Variants in CLEC4F observed in about 807,000 individuals in gnomAD.
The protein encoded by CLEC4F is C-type lectin domain family 4 member F.
Under a neutral mutation model 53.4 loss-of-function variants are expected in CLEC4F, and 45 were observed. The ratio of observed to expected loss-of-function variants is 0.84; its 90% CI spans 0.66 to 1.08. The LOEUF (loss-of-function observed/expected upper bound fraction) is 1.08, where lower values mean the gene tolerates loss of function less well. Among genes scored for constraint, CLEC4F ranks in the 50% least tolerant of loss-of-function variants. CLEC4F has a pLI of 0.00. For missense variants in CLEC4F, 753 were observed against 698.2 expected (o/e 1.08, Z -0.88); for synonymous variants, 245 against 257.5 (o/e 0.95, Z 0.46).
rs1553396160 is a variant in CLEC4F at position 70,816,667 on chromosome 2, G to C, written c.714C>G (p.Thr238=). ...AACTGCTATTGGCTAACTGAGCCTGGGTATTTGCCGTTTCCAAACTGGCAT... is the reference window on the plus strand; with the variant it reads ...AACTGCTATTGGCTAACTGAGCCTGCGTATTTGCCGTTTCCAAACTGGCAT... ...MLNASLETAN[T]QAQLANSSLK... The change falls in exon 4 of 7, where the codon ACC becomes ACG. Residue 238 remains threonine, a synonymous_variant. Coordinates refer to ENST00000272367, the MANE Select transcript of CLEC4F (RefSeq NM_173535.3). 1 of 1,614,116 alleles carries C rather than the reference G, an allele frequency of 6.2e-7. No homozygotes were observed. The highest frequency in any genetic ancestry group is 2.2e-5 in the East Asian group (1 of 44,880).
chr2:70,812,575 G>T lies in CLEC4F; in HGVS notation c.1411C>A (p.Gln471Lys), dbSNP rs1204389437. ...CTTCCACCATTGAACTTCCAGCCTT[G>T]CAGGACCATCTGGAGAAGCTGACCT... ...TQSQLLQMVL[Q>K]GWKFNGGSLY... is the part of the protein sequence containing the mutation. Residue 471 changes from glutamine (Q) to lysine (K), a missense_variant, in exon 5 of 7, where the codon CAA (glutamine) becomes AAA (lysine). Transcript: ENST00000272367. The T allele has an allele frequency of 6.2e-7, 1 of 1,614,076 alleles. No individual in the cohort carries two copies. Among genetic ancestry groups the T allele is most frequent in the Admixed American group, 1.7e-5 (1 of 60,006 alleles).
chr2:70,821,996 T>A (rs1313322911), upstream of CLEC4F, among the ~76,000 whole-genome samples: 1 of 152,122 alleles, frequency 6.6e-6, no homozygotes, highest in Non-Finnish European at 1.5e-5. Flanking sequence ...TGGCTTCAAG[T>A]GATCCTCCCA....
chr2:70,815,463 C>T (rs1051483527), intron 4 of CLEC4F, among the ~76,000 whole-genome samples: 1 of 152,172 alleles, frequency 6.6e-6, no homozygotes, highest in Admixed American at 6.5e-5. Flanking sequence ...CTGTAAGCTT[C>T]TCAAGGGTAC....
chr2:70,813,791 C>T (rs1397719167), intron 4 of CLEC4F, among the ~76,000 whole-genome samples: 1 of 152,008 alleles, frequency 6.6e-6, no homozygotes, highest in Non-Finnish European at 1.5e-5. Context: ...GATTCTCCTG[C>T]CTACCCTCCT....
Position 70,819,413 on chromosome 2 carries a change from A to G in CLEC4F, c.210T>C (p.Pro70=). The change falls in exon 3 of 7, where the codon CCT becomes CCC. Residue 70 remains proline (P), a synonymous_variant. Coordinates refer to ENST00000272367, the MANE Select transcript of CLEC4F (RefSeq NM_173535.3). ...VQQQTRPVPK[P]VQAVILGDNI... ...TGTCTCCCAGAATTACGGCTTGCAC[A>G]GGCTTCGGAACAGGTCTTGTCTGCT... 1 of 1,614,156 alleles carries G rather than the reference A, an allele frequency of 6.2e-7. No individual in the cohort carries two copies. Among genetic ancestry groups the G allele is most frequent in the Non-Finnish European group, 8.5e-7 (1 of 1,180,034 alleles).
chr2:70,815,066 A>T (rs983409025), intron 4 of CLEC4F, among the ~76,000 whole-genome samples: 2 of 152,088 alleles, frequency 1.3e-5, no homozygotes, highest in Non-Finnish European at 2.9e-5. Flanking sequence ...GTGGAACGTC[A>T]CTGCTGCCCA....
intron 3 of CLEC4F, 56 bp downstream of exon 3, chr2:70,819,299 T>C: frequency 7.4e-7 from 1 of 1,347,580 alleles, no homozygotes; most frequent in Non-Finnish European, 1.1e-6. Context: ...TCCTAGGGTC[T>C]GAGCATCTGA....
At chr2:70,825,047 C>T (rs759409437), upstream of CLEC4F, among the ~76,000 whole-genome samples, 1 of 152,172 alleles carries the variant, frequency 6.6e-6, no homozygotes, top group Non-Finnish European at 1.5e-5. Flanking sequence ...TCAACGCCAA[C>T]AGTAATGAAT....
intron 3 of CLEC4F, 24 bp downstream of exon 3, chr2:70,819,331 C>A: frequency 6.3e-7 from 1 of 1,597,848 alleles, no homozygotes; most frequent in Non-Finnish European, 8.6e-7. Context: ...CCCTCTGCAC[C>A]CCACCCCCAC....
chr2:70,812,716 G>C, intron 4 of CLEC4F, 118 bp from the exon 5 acceptor site: 1 of 1,010,724 alleles, frequency 9.9e-7, no homozygotes, highest in Non-Finnish European at 1.5e-6. Context: ...TGAAATTCTT[G>C]ATGTGCAGTG....
intron 4 of CLEC4F, 126 bp from the exon 5 acceptor site, chr2:70,812,724 G>A: frequency 1.0e-6 from 1 of 965,864 alleles, no homozygotes; most frequent in Non-Finnish European, 1.6e-6. Flanking sequence ...TTGATGTGCA[G>A]TGCTCCAGGA....
Position 70,809,081 on chromosome 2 carries a change from C to T in CLEC4F, c.*190G>A, listed in dbSNP as rs782411642. 8.4e-6 allele frequency: 13 copies of T among 1,546,492 alleles called. No homozygotes were observed. The highest frequency in any genetic ancestry group is 4.1e-5 in the African/African-American group (3 of 73,032). On this transcript the variant is annotated 3_prime_UTR_variant, in exon 7 of 7. Transcript: ENST00000272367. ...TCAGACTGATTCTTTTCCCAAAACC[C>T]GAAGACAACAGGGCTTTATACTGTT...
At chr2:70,814,837 C>A (rs1299719556) in intron 4 of CLEC4F, among the ~76,000 whole-genome samples, 1 of 85,686 alleles carries the variant, frequency 1.2e-5, no homozygotes, top group African/African-American at 4.8e-5. Flanking sequence ...GACACCCTCA[C>A]CAAAAAAAAA....
chr2:70,823,807 T>C (rs1162312452), upstream of CLEC4F, among the ~76,000 whole-genome samples: 1 of 152,148 alleles, frequency 6.6e-6, no homozygotes, highest in East Asian at 1.9e-4. Flanking sequence ...GGCAGGTGGA[T>C]CACTTGAGGC....
chr2:70,820,841 G>T (rs1677196190), upstream of CLEC4F, among the ~76,000 whole-genome samples: 1 of 152,140 alleles, frequency 6.6e-6, no homozygotes. Context: ...TTCTCTGGGG[G>T]CTGGGACTGG....
At chr2:70,820,414 G>A (rs1553397673) in intron 1 of CLEC4F, 49 bp downstream of exon 1, 2 of 1,518,294 alleles carry the variant, frequency 1.3e-6, no homozygotes, top group Non-Finnish European at 1.8e-6. Context: ...CCAAAGGACA[G>A]GCAGGCTACT....
Position 70,816,468 on chromosome 2 carries a change from A to T in CLEC4F, c.913T>A (p.Phe305Ile). 6.2e-7 allele frequency: 1 copy of T among 1,614,146 alleles called. No homozygotes were observed. Among genetic ancestry groups the T allele is most frequent in the Non-Finnish European group, 8.5e-7 (1 of 1,180,038 alleles). The change falls in exon 4 of 7, where the codon TTT becomes ATT. Residue 305 changes from phenylalanine (F) to isoleucine (I), a missense_variant. Transcript: ENST00000272367. ...TNALNSQTQA[F>I]IKSSFDNTSA... ...GTGTTGTCAAAACTGCTTTTTATAA[A>T]GGCCTGGGTCTGGGAGTTTAAAGCA...
intron 6 of CLEC4F, 120 bp from the exon 7 acceptor site, chr2:70,809,502 C>T: frequency 1.8e-6 from 2 of 1,122,468 alleles, no homozygotes; most frequent in Non-Finnish European, 2.5e-6. Flanking sequence ...GATGACCACA[C>T]CTGTGTGTCC....
At chr2:70,813,493 TTTTTCTTTCTTTCTTTC>T (rs1427030101) in intron 4 of CLEC4F, among the ~76,000 whole-genome samples, 2 of 141,910 alleles carry the variant, frequency 1.4e-5, no homozygotes, top group African/African-American at 5.5e-5. Flanking sequence ...TCTTTCTTTC[TTTTTCTTTCTTTCTTTC>T]TTTTCTTTCT....
Sources: allele counts gnomAD v4.1 joint callset (sites outside exome capture counted in the v4.1 genomes callset), GRCh38; gene constraint gnomAD v4.1.1; transcripts MANE v1.5; gene names NCBI Gene and HGNC (gene_info 2026-07-23, HGNC 2026-07-21).